Variants in SHISA9 observed in about 807,000 individuals in gnomAD.
SHISA9 encodes protein shisa-9.
SHISA9 carries 13 observed loss-of-function variants against 38.0 expected under a neutral mutation model. That is an observed-to-expected ratio of 0.34 (90% confidence interval 0.22 to 0.54). The LOEUF (loss-of-function observed/expected upper bound fraction) is 0.54, where lower values mean the gene tolerates loss of function less well. SHISA9 is among the 20% of genes least tolerant of loss of function. The pLI, the probability that SHISA9 is intolerant of heterozygous loss-of-function variation, is 0.91. For synonymous variants in SHISA9, 275 were observed against 242.0 expected (o/e 1.14, Z -1.27); for missense variants, 538 against 575.8 (o/e 0.93, Z 0.67).
chr16:13,278,014 T>G, the SHISA9 span, among the ~76,000 whole-genome samples: 3 of 152,060 alleles, frequency 2.0e-5, no homozygotes, highest in Non-Finnish European at 4.4e-5. Flanking sequence ...GGGAATGCTT[T>G]CATCTTTTCC....
the SHISA9 span, among the ~76,000 whole-genome samples, chr16:13,527,208 A>G: frequency 5.4e-4 from 82 of 152,318 alleles, 2 homozygotes; most frequent in African/African-American, 1.7e-3. Flanking sequence ...AAATATTATT[A>G]TAAGTTTTCT....
the SHISA9 span, among the ~76,000 whole-genome samples, chr16:13,313,522 A>G: frequency 2.0e-5 from 3 of 152,238 alleles, no homozygotes; most frequent in Non-Finnish European, 4.4e-5. Flanking sequence ...GAGAAACTTC[A>G]AATGAAAATG....
At chr16:12,953,648 G>T (rs1048670572) in intron 2 of SHISA9, among the ~76,000 whole-genome samples, 1 of 152,164 alleles carries the variant, frequency 6.6e-6, no homozygotes, top group African/African-American at 2.4e-5. Flanking sequence ...GCTCAGGCTT[G>T]CTGAGAAATA....
intron 2 of SHISA9, among the ~76,000 whole-genome samples, chr16:13,173,172 CA>C (rs2050702606): frequency 6.6e-6 from 1 of 152,074 alleles, no homozygotes; most frequent in African/African-American, 2.4e-5. Context: ...CACACACACA[CA>C]CACACATTCA....
intron 2 of SHISA9, among the ~76,000 whole-genome samples, chr16:13,172,561 CT>C (rs1449504535): frequency 6.6e-6 from 1 of 152,130 alleles, no homozygotes; most frequent in Non-Finnish European, 1.5e-5. Context: ...TCCTCAGTTT[CT>C]TTTTTGTGTG....
chr16:13,374,401 T>A, the SHISA9 span, among the ~76,000 whole-genome samples: 1 of 152,134 alleles, frequency 6.6e-6, no homozygotes, highest in African/African-American at 2.4e-5. Flanking sequence ...CACCTATGAG[T>A]GAGAACATGT....
chr16:13,457,434 T>G, the SHISA9 span, among the ~76,000 whole-genome samples: 1 of 152,116 alleles, frequency 6.6e-6, no homozygotes, highest in Non-Finnish European at 1.5e-5. Flanking sequence ...CTGGACTGTG[T>G]TCCCTCTAAC....
the SHISA9 span, among the ~76,000 whole-genome samples, chr16:13,517,474 T>C: frequency 6.6e-6 from 1 of 152,216 alleles, no homozygotes; most frequent in Non-Finnish European, 1.5e-5. Flanking sequence ...TCTCCTGAAT[T>C]AGCCTGAAAA....
the SHISA9 span, among the ~76,000 whole-genome samples, chr16:13,375,129 C>A: frequency 6.6e-6 from 1 of 152,122 alleles, no homozygotes; most frequent in Non-Finnish European, 1.5e-5. Context: ...GTTGCCTGTT[C>A]ACTCCGATGG....
At chr16:13,364,887 G>A in the SHISA9 span, among the ~76,000 whole-genome samples, 2 of 152,172 alleles carry the variant, frequency 1.3e-5, no homozygotes, top group East Asian at 1.9e-4. Flanking sequence ...CAGTAAGAAC[G>A]AGAAGATGAA....
chr16:13,125,470 G>A (rs1450450424), intron 2 of SHISA9, among the ~76,000 whole-genome samples: 1 of 152,144 alleles, frequency 6.6e-6, no homozygotes, highest in Non-Finnish European at 1.5e-5. Context: ...CCTGGCAAAC[G>A]AGGGGTGGTA....
chr16:13,155,063 A>T (rs543140399), intron 2 of SHISA9, among the ~76,000 whole-genome samples: 8 of 152,236 alleles, frequency 5.3e-5, no homozygotes, highest in African/African-American at 7.2e-5. Context: ...AAATAATGAC[A>T]TGGGATGAAA....
At chr16:13,005,566 G>A (rs1231424332) in intron 2 of SHISA9, among the ~76,000 whole-genome samples, 1 of 152,164 alleles carries the variant, frequency 6.6e-6, no homozygotes, top group Admixed American at 6.5e-5. Flanking sequence ...TAGAAAGCAA[G>A]CTTCTCTTGC....
chr16:13,553,917 T>C, the SHISA9 span, among the ~76,000 whole-genome samples: 1 of 152,082 alleles, frequency 6.6e-6, no homozygotes, highest in Admixed American at 6.6e-5. Context: ...CCACATCTCA[T>C]TGTGACCCAA....
At chr16:13,255,603 C>T in the SHISA9 span, among the ~76,000 whole-genome samples, 1 of 152,234 alleles carries the variant, frequency 6.6e-6, no homozygotes, top group Non-Finnish European at 1.5e-5. Flanking sequence ...TAGGAGCTGC[C>T]TCAATTTCCT....
At chr16:13,264,378 G>A in the SHISA9 span, among the ~76,000 whole-genome samples, 1 of 151,854 alleles carries the variant, frequency 6.6e-6, no homozygotes, top group Admixed American at 6.6e-5. Flanking sequence ...TCACCATGTT[G>A]GCCAGTCTGG....
intron 2 of SHISA9, among the ~76,000 whole-genome samples, chr16:13,113,201 C>T (rs528957582): frequency 1.6e-5 from 2 of 128,632 alleles, no homozygotes; most frequent in African/African-American, 6.3e-5. Flanking sequence ...CAGAATGAGA[C>T]TCCATCTCAA....
At chr16:13,001,314 C>T (rs12934161) in intron 2 of SHISA9, among the ~76,000 whole-genome samples, 29,393 of 152,086 alleles carry the variant, frequency 0.19, 3,616 homozygotes, top group Middle Eastern at 0.33. Context: ...AGGCAGGGTC[C>T]GGGGACCTGC....
At chr16:12,964,325 C>T (rs951739070) in intron 2 of SHISA9, among the ~76,000 whole-genome samples, 13 of 151,580 alleles carry the variant, frequency 8.6e-5, no homozygotes, top group Non-Finnish European at 1.8e-4. Context: ...TTCCATGGAG[C>T]ACCAGAGGTG....
Sources: allele counts gnomAD v4.1 joint callset (sites outside exome capture counted in the v4.1 genomes callset), GRCh38; gene constraint gnomAD v4.1.1; transcripts MANE v1.5; gene names NCBI Gene and HGNC (gene_info 2026-07-23, HGNC 2026-07-21).